ARHGAP22: variants seen among roughly 807,000 people sequenced by gnomAD.
ARHGAP22 encodes rho GTPase-activating protein 22.
In ARHGAP22, 48 loss-of-function variants were observed where a neutral mutation model predicts 59.1. That is an observed-to-expected ratio of 0.81 (90% CI 0.64 to 1.03). ARHGAP22 has a LOEUF of 1.03. Among genes scored for constraint, ARHGAP22 ranks in the 50% least tolerant of loss-of-function variants. The pLI, the probability that ARHGAP22 is intolerant of heterozygous loss-of-function variation, is 0.00. For missense variants in ARHGAP22, 1,015 were observed against 958.7 expected (o/e 1.06, Z -0.78); for synonymous variants, 445 against 416.4 (o/e 1.07, Z -0.84).
intron 1 of ARHGAP22, among the ~76,000 whole-genome samples, chr10:48,642,691 G>A (rs937972171): frequency 1.3e-5 from 2 of 152,192 alleles, no homozygotes; most frequent in African/African-American, 2.4e-5. Context: ...AGGACTTCAT[G>A]TCTAAAACAC....
chr10:48,533,275 GAGAAAAAGCTCTAGA>G (rs2055040228), intron 3 of ARHGAP22, among the ~76,000 whole-genome samples: 2 of 150,140 alleles, frequency 1.3e-5, no homozygotes, highest in Non-Finnish European at 3.0e-5. Flanking sequence ...TCTTTTTCTA[GAGAAAAAGCTCTAGA>G]TCCCATAAGG....
chr10:48,540,306 G>A (rs1218355224), intron 3 of ARHGAP22, among the ~76,000 whole-genome samples: 1 of 152,160 alleles, frequency 6.6e-6, no homozygotes, highest in Non-Finnish European at 1.5e-5. Flanking sequence ...GCACAATCTC[G>A]GCTCATCACA....
chr10:48,604,779 G>A lies in ARHGAP22; in HGVS notation c.18C>T (p.Ile6=). 6.2e-7 allele frequency: 1 copy of A among 1,614,242 alleles called. No homozygotes were observed. The highest frequency in any genetic ancestry group is 1.3e-5 in the African/African-American group (1 of 75,070). Residue 6 remains isoleucine, a synonymous_variant, in exon 1 of 10, where the codon ATC becomes ATT. Coordinates refer to ENST00000249601, the MANE Select transcript of ARHGAP22 (RefSeq NM_021226.4). ...TGGACTTACCCCTCCTGGCCTGCCTGATCTTTGGGCTCAGCATGTTCTTGC... is the reference window on the plus strand; with the variant it reads ...TGGACTTACCCCTCCTGGCCTGCCTAATCTTTGGGCTCAGCATGTTCTTGC... MLSPK[I]RQARRARSKS...
chr10:48,639,734 A>T (rs2061965442), intron 1 of ARHGAP22, among the ~76,000 whole-genome samples: 1 of 152,252 alleles, frequency 6.6e-6, no homozygotes, highest in African/African-American at 2.4e-5. Context: ...AACAACATTA[A>T]TCATGTGAGA....
chr10:48,633,502 C>T (rs996975630), intron 1 of ARHGAP22, among the ~76,000 whole-genome samples: 1 of 152,216 alleles, frequency 6.6e-6, no homozygotes, highest in African/African-American at 2.4e-5. Context: ...TCCTTGAACT[C>T]TTTTCTTTTA....
chr10:48,577,538 G>A (rs895729789), intron 2 of ARHGAP22, among the ~76,000 whole-genome samples: 1 of 152,048 alleles, frequency 6.6e-6, no homozygotes. Flanking sequence ...CCTTCCTGGG[G>A]GCTACTCCTG....
Position 48,446,468 on chromosome 10 carries a change from G to A in ARHGAP22, c.2020C>T (p.Gln674Ter). Residue 674 changes from glutamine (Q) to a stop codon, truncating the protein, a stop_gained, in exon 10 of 10, where the codon CAG (glutamine) becomes TAG (stop). Transcript: ENST00000249601. LOFTEE classifies it high-confidence loss of function. ...GAAAAAAACTCCTCCATTTCCCTCT[G>A]CAACAGCTGGTTCCTCCTCTCCGCA... ...EDAERRNQLL[Q>*]REMEEFFSTL... 1 of 1,614,180 alleles carries A rather than the reference G, an allele frequency of 6.2e-7. No homozygotes were observed. The highest frequency in any genetic ancestry group is 8.5e-7 in the Non-Finnish European group (1 of 1,180,020).
At chr10:48,583,781 C>A (rs1348999054) in intron 1 of ARHGAP22, among the ~76,000 whole-genome samples, 1 of 152,188 alleles carries the variant, frequency 6.6e-6, no homozygotes, top group Non-Finnish European at 1.5e-5. Context: ...TCCCTGGGAA[C>A]ATCCCACAGC....
chr10:48,621,082 A>G (rs778651922), intron 1 of ARHGAP22, among the ~76,000 whole-genome samples: 1 of 152,252 alleles, frequency 6.6e-6, no homozygotes, highest in Non-Finnish European at 1.5e-5. Flanking sequence ...AGAAAGCCCA[A>G]TACATGATTG....
intron 3 of ARHGAP22, among the ~76,000 whole-genome samples, chr10:48,524,407 C>T (rs1371494039): frequency 6.6e-6 from 1 of 151,934 alleles, no homozygotes; most frequent in Non-Finnish European, 1.5e-5. Context: ...TCGCCGGCGC[C>T]CTCCCCACGG....
intron 3 of ARHGAP22, among the ~76,000 whole-genome samples, chr10:48,519,045 G>C (rs369442334): frequency 2.0e-5 from 3 of 152,172 alleles, no homozygotes; most frequent in African/African-American, 4.8e-5. Flanking sequence ...GCCAGCCAGA[G>C]GGCCGAGCAA....
intron 2 of ARHGAP22, among the ~76,000 whole-genome samples, chr10:48,569,788 G>T (rs969027635): frequency 6.6e-6 from 1 of 152,146 alleles, no homozygotes; most frequent in African/African-American, 2.4e-5. Context: ...AGGCAGTATA[G>T]CTCTGGGTGC....
intron 3 of ARHGAP22, among the ~76,000 whole-genome samples, chr10:48,484,535 A>C (rs1412852871): frequency 2.0e-5 from 3 of 152,226 alleles, no homozygotes; most frequent in Non-Finnish European, 2.9e-5. Flanking sequence ...CAAACCTAGA[A>C]GTTTGTAGAT....
chr10:48,448,955 C>T (rs2045629734), intron 9 of ARHGAP22, among the ~76,000 whole-genome samples: 1 of 152,212 alleles, frequency 6.6e-6, no homozygotes, highest in South Asian at 2.1e-4. Flanking sequence ...CTGCCAGGGA[C>T]ACTCAGCCAA....
chr10:48,587,019 T>C (rs1330169891), intron 1 of ARHGAP22, among the ~76,000 whole-genome samples: 1 of 152,222 alleles, frequency 6.6e-6, no homozygotes, highest in Non-Finnish European at 1.5e-5. Flanking sequence ...GCATCTGTGC[T>C]GCACAGCCCT....
chr10:48,486,248 C>T lies in ARHGAP22; in HGVS notation c.323-6484G>A, dbSNP rs552778497. Among the ~76,000 whole-genome samples, 308 of 151,972 alleles carry T rather than the reference C, an allele frequency of 2.0e-3. 3 individuals are homozygous for T. The highest frequency in any genetic ancestry group is 4.1e-3 in the Non-Finnish European group (276 of 67,938). On this transcript the variant is annotated intron_variant, in intron 3 of 9. Coordinates refer to ENST00000249601, the MANE Select transcript of ARHGAP22 (RefSeq NM_021226.4). ...ATACTTCCATGTCTTCTTTCCTGAC[C>T]TTTTTTGCAATGTTTATCTTACCTT...
intron 3 of ARHGAP22, among the ~76,000 whole-genome samples, chr10:48,495,129 G>A (rs1467468387): frequency 6.6e-6 from 1 of 152,204 alleles, no homozygotes; most frequent in East Asian, 1.9e-4. Context: ...GACTTATGAA[G>A]GAATGTATGA....
intron 8 of ARHGAP22, 129 bp downstream of exon 8, chr10:48,453,175 A>G: frequency 3.9e-6 from 5 of 1,288,526 alleles, no homozygotes; most frequent in Non-Finnish European, 5.4e-6. Context: ...AGAGATGGAG[A>G]TGTGCCACCT....
chr10:48,538,303 C>A (rs1441368648), intron 3 of ARHGAP22, among the ~76,000 whole-genome samples: 5 of 152,172 alleles, frequency 3.3e-5, no homozygotes, highest in African/African-American at 9.7e-5. Context: ...CTTCTAAGGA[C>A]ACCAACCATT....
Sources: gnomAD v4.1 joint callset for allele counts (sites outside exome capture counted in the v4.1 genomes callset) on GRCh38, gnomAD v4.1.1 for gene constraint, MANE v1.5 for transcripts, NCBI Gene and HGNC (gene_info 2026-07-23, HGNC 2026-07-21) for gene names.